RAD51B: variants seen among roughly 807,000 people sequenced by gnomAD.
The protein encoded by RAD51B is RAD51 paralog B, also known as DNA repair protein RAD51 homolog 2.
Under a neutral mutation model 42.2 loss-of-function variants are expected in RAD51B, and 38 were observed. The observed-to-expected ratio is 0.90, with a 90% CI of 0.70 to 1.18. The LOEUF (loss-of-function observed/expected upper bound fraction) is 1.18, where lower values mean the gene tolerates loss of function less well. RAD51B is among the 50% of genes most tolerant of loss of function. The probability of loss-of-function intolerance (pLI) is 0.00; values close to 1 mark genes in which losing one functional copy is unlikely to be tolerated. For missense variants in RAD51B, 373 were observed against 400.7 expected, an observed-to-expected ratio of 0.93 and a Z score of 0.59; for synonymous variants, 154 against 145.2, an observed-to-expected ratio of 1.06 and a Z score of -0.43.
At chr14:67,869,615 A>T (rs1360445017) in intron 5 of RAD51B, among the ~76,000 whole-genome samples, 1 of 152,134 alleles carries the variant, frequency 6.6e-6, no homozygotes. Context: ...AAGAAGAGCA[A>T]CTCCAAGACA....
intron 11 of RAD51B, among the ~76,000 whole-genome samples, chr14:68,665,852 T>A (rs1001358863): frequency 2.0e-5 from 3 of 152,170 alleles, no homozygotes; most frequent in Admixed American, 6.6e-5. Context: ...CCATGAGATT[T>A]CAGTGCAGCC....
intron 7 of RAD51B, among the ~76,000 whole-genome samples, chr14:68,211,497 A>G (rs553427600): frequency 1.3e-5 from 2 of 152,370 alleles, no homozygotes; most frequent in South Asian, 4.1e-4. Flanking sequence ...AAAATAAAAC[A>G]TAAGAAAGTA....
At chr14:68,393,159 A>G (rs1185815984) in intron 8 of RAD51B, among the ~76,000 whole-genome samples, 2 of 152,216 alleles carry the variant, frequency 1.3e-5, no homozygotes, top group African/African-American at 4.8e-5. Flanking sequence ...GCTCCGTGGA[A>G]AACATTATTA....
intron 7 of RAD51B, among the ~76,000 whole-genome samples, chr14:68,262,650 A>G (rs2080912780): frequency 6.6e-6 from 1 of 152,148 alleles, no homozygotes; most frequent in African/African-American, 2.4e-5. Flanking sequence ...GATGGGGTTC[A>G]GGACACACTA....
At chr14:68,409,654 A>C (rs1448757383) in intron 8 of RAD51B, among the ~76,000 whole-genome samples, 3 of 152,200 alleles carry the variant, frequency 2.0e-5, no homozygotes, top group Non-Finnish European at 4.4e-5. Flanking sequence ...GGAAGTCAGG[A>C]GGTCATGGGA....
At chr14:68,110,747 C>T (rs929974930) in intron 7 of RAD51B, among the ~76,000 whole-genome samples, 1 of 151,968 alleles carries the variant, frequency 6.6e-6, no homozygotes, top group Admixed American at 6.6e-5. Context: ...AGAACTATAC[C>T]TTAGCATTGG....
intron 7 of RAD51B, among the ~76,000 whole-genome samples, chr14:68,193,587 G>A (rs1401583391): frequency 2.0e-5 from 3 of 152,182 alleles, no homozygotes; most frequent in Non-Finnish European, 2.9e-5. Flanking sequence ...TCTCTTTAAA[G>A]TAGTCAGTAT....
chr14:68,365,102 G>T (rs796926803), intron 8 of RAD51B, among the ~76,000 whole-genome samples: 1 of 152,204 alleles, frequency 6.6e-6, no homozygotes, highest in South Asian at 2.1e-4. Context: ...AGGGCACTGG[G>T]TGGCTAGGGC....
chr14:68,115,571 A>G (rs1352500318), intron 7 of RAD51B, among the ~76,000 whole-genome samples: 1 of 150,476 alleles, frequency 6.6e-6, no homozygotes, highest in Non-Finnish European at 1.5e-5. Flanking sequence ...AGACACCACC[A>G]TTCAGAACAC....
intron 8 of RAD51B, among the ~76,000 whole-genome samples, chr14:68,317,851 C>G (rs1225525257): frequency 2.6e-5 from 4 of 152,138 alleles, no homozygotes; most frequent in African/African-American, 9.7e-5. Context: ...GACAGGAGAA[C>G]TTGGGATGTG....
intron 7 of RAD51B, among the ~76,000 whole-genome samples, chr14:67,998,808 A>C (rs2075430612): frequency 6.6e-6 from 1 of 152,162 alleles, no homozygotes; most frequent in Non-Finnish European, 1.5e-5. Flanking sequence ...GTCTTATATG[A>C]GTACTGGGAA....
chr14:67,940,038 ATATATATATATATATATTTTTTTTTT>A (rs1274507614), intron 7 of RAD51B, among the ~76,000 whole-genome samples: 2 of 9,924 alleles, frequency 2.0e-4, no homozygotes, highest in African/African-American at 4.3e-4. Flanking sequence ...ATATATATAT[ATATATATATATATATATTTTTTTTTT>A]TTTTTTTTTT....
chr14:68,577,018 G>T (rs1889992254), intron 10 of RAD51B, among the ~76,000 whole-genome samples: 1 of 152,228 alleles, frequency 6.6e-6, no homozygotes, highest in Non-Finnish European at 1.5e-5. Context: ...GGAGGCCAGG[G>T]TCTGTCAGAA....
intron 11 of RAD51B, among the ~76,000 whole-genome samples, chr14:68,676,794 G>C (rs768408513): frequency 6.6e-6 from 1 of 152,262 alleles, no homozygotes; most frequent in Non-Finnish European, 1.5e-5. Flanking sequence ...CATGAGCTTA[G>C]CTCCTGAGCT....
At chr14:68,392,261 C>A (rs1461286650) in intron 8 of RAD51B, among the ~76,000 whole-genome samples, 3 of 152,162 alleles carry the variant, frequency 2.0e-5, no homozygotes, top group African/African-American at 7.2e-5. Context: ...CAAGTAAATC[C>A]TGTATTTAGA....
chr14:68,405,816 T>C (rs1049781911), intron 8 of RAD51B, among the ~76,000 whole-genome samples: 1 of 130,286 alleles, frequency 7.7e-6, no homozygotes, highest in Non-Finnish European at 1.6e-5. Context: ...GAGAAACTCC[T>C]ACAGTTTATC....
intron 8 of RAD51B, among the ~76,000 whole-genome samples, chr14:68,329,631 T>C (rs1241715617): frequency 3.9e-5 from 6 of 152,238 alleles, no homozygotes; most frequent in African/African-American, 1.4e-4. Flanking sequence ...GTTTTTACCT[T>C]TAAAAAGATC....
rs2043046897 is a variant in RAD51B at position 67,885,940 on chromosome 14, G to T, written c.524G>T (p.Ser175Ile). 2 of 1,606,974 alleles carry T rather than the reference G, an allele frequency of 1.2e-6. No individual in the cohort carries two copies. Among genetic ancestry groups the T allele is most frequent in the East Asian group, 4.5e-5 (2 of 44,760 alleles). ...NTEEKLLLTSSKVHLYRELTC... is the reference protein window; with the variant it reads ...NTEEKLLLTSIKVHLYRELTC... ...GAAGAAAAGTTACTTTTGACAAGTA[G>T]TAAAGTTCATCTTTATCGGGAACTC... The change falls in exon 6 of 11, where the codon AGT (serine) becomes ATT (isoleucine). Residue 175 changes from serine (S) to isoleucine (I), a missense_variant. Coordinates refer to ENST00000471583, the MANE Select transcript of RAD51B (RefSeq NM_133510.4).
chr14:68,597,835 G>T (rs1309362057), downstream of RAD51B, among the ~76,000 whole-genome samples: 1 of 148,470 alleles, frequency 6.7e-6, no homozygotes, highest in South Asian at 2.1e-4. Context: ...GATGTAAATT[G>T]ACCCTGATGG....
Sources: gnomAD v4.1 joint callset for allele counts (sites outside exome capture counted in the v4.1 genomes callset) on GRCh38, gnomAD v4.1.1 for gene constraint, MANE v1.5 for transcripts, NCBI Gene and HGNC (gene_info 2026-07-23, HGNC 2026-07-21) for gene names.